Variants in DNAH17 observed in about 807,000 individuals in gnomAD.
DNAH17 encodes dynein axonemal heavy chain 17, also known as axonemal beta dynein heavy chain 17.
A neutral mutation model predicts 485.6 loss-of-function variants in DNAH17; 376 were observed. That is an observed-to-expected ratio of 0.77 (90% CI 0.71 to 0.84). The LOEUF (loss-of-function observed/expected upper bound fraction) is 0.84. DNAH17 is among the 40% of genes least tolerant of loss of function. DNAH17 has a pLI of 0.00. For synonymous variants in DNAH17, 3,031 were observed against 2,405.9 expected (o/e 1.26, Z -7.60); for missense variants, 6,370 against 5,839.3 (o/e 1.09, Z -2.96).
chr17:78,478,325 C>A (rs1290129096), intron 51 of DNAH17, among the ~76,000 whole-genome samples: 1 of 148,666 alleles, frequency 6.7e-6, no homozygotes, highest in Non-Finnish European at 1.5e-5. Flanking sequence ...TCACCACCAC[C>A]ACCATTATCA....
At chr17:78,552,626 T>A (rs954687301) in intron 15 of DNAH17, 71 bp downstream of exon 15, 72 of 1,113,390 alleles carry the variant, frequency 6.5e-5, no homozygotes, top group Non-Finnish European at 9.4e-5. Flanking sequence ...TCTAGTGGTG[T>A]TTGAGGACAG....
chr17:78,528,745 C>A (rs1326509968), intron 22 of DNAH17, among the ~76,000 whole-genome samples: 9 of 152,104 alleles, frequency 5.9e-5, no homozygotes, highest in African/African-American at 1.9e-4. Context: ...AGCCTGCACA[C>A]ACCCCTCCAC....
Position 78,494,469 on chromosome 17 carries a change from G to A in DNAH17, c.6270+124C>T, listed in dbSNP as rs183736422. The A allele has an allele frequency of 1.4e-3, 1,640 of 1,153,504 alleles. 2 individuals are homozygous for A. Among genetic ancestry groups the A allele is most frequent in the Non-Finnish European group, 1.8e-3 (1,429 of 805,600 alleles). 71.5% of individuals were successfully genotyped at this position (1,153,504 alleles called of 1,614,324 possible). ...CCACGGAGGCAGCTGTGGCTCAGAG[G>A]TCTCTTTGTAGCATCGGGAAACGTG... On this transcript the variant is annotated intron_variant, in intron 40 of 80. Coordinates refer to ENST00000389840, the MANE Select transcript of DNAH17 (RefSeq NM_173628.4).
Position 78,427,225 on chromosome 17 carries a change from G to T in DNAH17, c.12589-117C>A, listed in dbSNP as rs190850315. The T allele has an allele frequency of 8.6e-6, 9 of 1,042,666 alleles. No individual in the cohort carries two copies. The African/African-American group carries it at 1.4e-4, about 17-fold the overall frequency. The allele number at this position is 1,042,666 out of a possible 1,614,324, so 64.6% of individuals were successfully genotyped here. ...CCCAAGTCCTGGAGAGGAGGGAAGA[G>T]GCAAGTAGAGTTGCCAGAAATGCAG... On this transcript the variant is annotated intron_variant, in intron 77 of 80. Transcript: ENST00000389840.
At chr17:78,541,899 A>G (rs1468792966) in intron 17 of DNAH17, among the ~76,000 whole-genome samples, 2 of 152,100 alleles carry the variant, frequency 1.3e-5, no homozygotes, top group Non-Finnish European at 2.9e-5. Flanking sequence ...AGCTACTGGC[A>G]CCGTGGCAGG....
intron 14 of DNAH17, among the ~76,000 whole-genome samples, chr17:78,554,489 T>A (rs865857660): frequency 6.7e-4 from 97 of 145,632 alleles, no homozygotes; most frequent in Middle Eastern, 3.6e-3. Flanking sequence ...TTCTATATAG[T>A]TTTGTTCTAG....
rs1282816894 is a variant in DNAH17 at position 78,462,827 on chromosome 17, C to A, written c.9174+17G>T. ...AGGGAACGGCACAGGAGCTGGCAGC[C>A]AGCCCCCCTCTCCTACCTGGGAAGC... On this transcript the variant is annotated intron_variant, in intron 57 of 80. Transcript: ENST00000389840. 1 of 1,613,292 alleles carries A rather than the reference C, an allele frequency of 6.2e-7. No individual in the cohort carries two copies. Among genetic ancestry groups the A allele is most frequent in the South Asian group, 1.1e-5 (1 of 90,932 alleles).
At chr17:78,498,939 T>A (rs1164733958) in intron 37 of DNAH17, 69 bp downstream of exon 37, 6 of 1,240,082 alleles carry the variant, frequency 4.8e-6, no homozygotes, top group Non-Finnish European at 6.7e-6. Flanking sequence ...ATCTGGCGTG[T>A]GAGGTCACAG....
chr17:78,444,046 T>C (rs886334884), intron 71 of DNAH17, among the ~76,000 whole-genome samples: 4 of 152,226 alleles, frequency 2.6e-5, no homozygotes, highest in Non-Finnish European at 5.9e-5. Context: ...GGAGAAATTG[T>C]TGGTGAAATC....
intron 25 of DNAH17, among the ~76,000 whole-genome samples, chr17:78,517,099 G>C (rs1177605415): frequency 6.6e-6 from 1 of 152,238 alleles, no homozygotes; most frequent in African/African-American, 2.4e-5. Flanking sequence ...CTGGAGTACA[G>C]TGACGTGATC....
rs1347496580 is a variant in DNAH17 at position 78,439,143 on chromosome 17, C to T, written c.11752G>A (p.Ala3918Thr). 6.2e-7 allele frequency: 1 copy of T among 1,613,710 alleles called. No individual in the cohort carries two copies. Among genetic ancestry groups the T allele is most frequent in the Admixed American group, 1.7e-5 (1 of 59,992 alleles). ...GCAGCCACGTCCAGGGCGTTCTCAG[C>T]CACCACCTCTTGTCCCTGCCCCAGG... ...VSLGQGQEVV[A>T]ENALDVAAEK... The change falls in exon 73 of 81, where the codon GCT (alanine) becomes ACT (threonine). Residue 3918 changes from alanine to threonine, a missense_variant. Ala to Thr is a moderately conservative substitution (Grantham distance 58). Transcript: ENST00000389840.
At position 78,468,873 on chromosome 17, in the gene DNAH17, G is replaced by A; in HGVS notation, c.8522C>T (p.Ala2841Val). 1 of 1,613,192 alleles carries A rather than the reference G, an allele frequency of 6.2e-7. No individual in the cohort carries two copies. The highest frequency in any genetic ancestry group is 1.1e-5 in the South Asian group (1 of 91,056). Reference protein sequence around the residue: ...YGIPDLKIDLAAQYIKAAVKN... With the variant: ...YGIPDLKIDLVAQYIKAAVKN... ...CACGGCAGCCTTTATGTACTGAGCA[G>A]CGAGGTCAATCTGGACGGAGTGAGG... is the stretch of plus-strand genomic sequence containing the variant. Residue 2841 changes from alanine to valine, a missense_variant, in exon 55 of 81, where the codon GCT becomes GTT. Physicochemically the swap from Ala to Val is moderately conservative, Grantham distance 64. Transcript: ENST00000389840.
Position 78,475,454 on chromosome 17 carries a change from C to T in DNAH17, c.8335G>A (p.Ala2779Thr), listed in dbSNP as rs201051948. 267 of 1,613,808 alleles carry T rather than the reference C, an allele frequency of 1.7e-4. No individual in the cohort carries two copies. Among genetic ancestry groups the T allele is most frequent in the Non-Finnish European group, 1.8e-4 (210 of 1,179,862 alleles). The change falls in exon 54 of 81, where the codon GCC (alanine) becomes ACC (threonine). Residue 2779 changes from alanine to threonine, a missense_variant. Ala to Thr is a moderately conservative substitution (Grantham distance 58). Transcript: ENST00000389840. ...AVMNLVLFEDAVAHICRINRI... is the reference protein window; with the variant it reads ...AVMNLVLFEDTVAHICRINRI... ...TTAATCCTGCAGATGTGAGCCACGGCGTCCTCAAACAGCACCTGCAGAAAC... is the reference window on the plus strand; with the variant it reads ...TTAATCCTGCAGATGTGAGCCACGGTGTCCTCAAACAGCACCTGCAGAAAC...
rs368048006 is a variant in DNAH17 at position 78,424,110 on chromosome 17, C to A, written c.13185G>T (p.Arg4395=). The A allele has an allele frequency of 1.4e-5, 22 of 1,613,662 alleles. 1 individual carries two copies. The highest frequency in any genetic ancestry group is 1.3e-4 in the East Asian group (6 of 44,880). Reference sequence around the variant, plus strand: ...GCATGGCCGGGGTCAGCTCTTTCAGCCGCGCTTCAGCGATGACTCCAGTCT... The same window carrying A: ...GCATGGCCGGGGTCAGCTCTTTCAGACGCGCTTCAGCGATGACTCCAGTCT... ...DTQTGVIAEA[R]LKELTPAMPV... The change falls in exon 81 of 81, where the codon CGG becomes CGT. Residue 4395 remains arginine (R), a synonymous_variant. Transcript: ENST00000389840.
rs1234213316 is a variant in DNAH17 at position 78,481,103 on chromosome 17, C to G, written c.7650-317G>C. Among the ~76,000 whole-genome samples, 5 of 144,442 alleles carry G rather than the reference C, an allele frequency of 3.5e-5. No individual in the cohort carries two copies. The Admixed American group carries it at 3.5e-4, about 10-fold the overall frequency. 94.8% of individuals were successfully genotyped at this position (144,442 alleles called of 152,430 possible). On this transcript the variant is annotated intron_variant, in intron 48 of 80. Coordinates refer to ENST00000389840, the MANE Select transcript of DNAH17 (RefSeq NM_173628.4). Reference sequence around the variant, plus strand: ...AGCCACCACGCCCGCCCCCCATCCCCCGGCTTTTTTTTTTTTTGAGATGGA... The same window carrying G: ...AGCCACCACGCCCGCCCCCCATCCCGCGGCTTTTTTTTTTTTTGAGATGGA...
chr17:78,552,647 G>T, intron 15 of DNAH17, 50 bp downstream of exon 15: 3 of 1,354,474 alleles, frequency 2.2e-6, no homozygotes, highest in Non-Finnish European at 2.1e-6. Flanking sequence ...ATGCTGGGCA[G>T]GTTGGACTCC....
chr17:78,494,257 C>G, intron 40 of DNAH17, 84 bp from the exon 41 acceptor site: 1 of 1,525,896 alleles, frequency 6.6e-7, no homozygotes, highest in Non-Finnish European at 8.8e-7. Flanking sequence ...CTTCCTGCCC[C>G]GTGGGGGAGA....
chr17:78,545,752 T>C (rs866874492), intron 16 of DNAH17, among the ~76,000 whole-genome samples: 18 of 152,212 alleles, frequency 1.2e-4, no homozygotes, highest in African/African-American at 4.3e-4. Flanking sequence ...TTTCAACTCT[T>C]CTAATAGCTT....
chr17:78,539,690 A>T, intron 18 of DNAH17, 47 bp downstream of exon 18: 1 of 1,447,292 alleles, frequency 6.9e-7, no homozygotes, highest in Non-Finnish European at 9.2e-7. Flanking sequence ...ATTCTAACAG[A>T]TAAGAATACA....
Sources: gnomAD v4.1 joint callset for allele counts (sites outside exome capture counted in the v4.1 genomes callset) on GRCh38, gnomAD v4.1.1 for gene constraint, MANE v1.5 for transcripts, NCBI Gene and HGNC (gene_info 2026-07-23, HGNC 2026-07-21) for gene names.